The following CFAP299 variants were observed in gnomAD, a reference collection of about 807,000 sequenced individuals.
CFAP299 encodes the protein cilia and flagella associated protein 299.
Under a neutral mutation model 27.0 loss-of-function variants are expected in CFAP299, and 21 were observed. The observed-to-expected ratio is 0.78, with a 90% CI of 0.55 to 1.12. The LOEUF is 1.12. Among genes scored for constraint, CFAP299 ranks in the 50% most tolerant of loss-of-function variants. The pLI is 0.00. For missense variants in CFAP299, 310 were observed against 276.6 expected (o/e 1.12, Z -0.86); for synonymous variants, 104 against 98.1 (o/e 1.06, Z -0.36).
chr4:80,906,438 G>A (rs1397072835), intron 4 of CFAP299, among the ~76,000 whole-genome samples: 1 of 152,212 alleles, frequency 6.6e-6, no homozygotes, highest in African/African-American at 2.4e-5. Context: ...GAGGATGGTG[G>A]CCCTCTTCTC....
intron 3 of CFAP299, among the ~76,000 whole-genome samples, chr4:80,844,906 T>C (rs1322395052): frequency 1.3e-5 from 2 of 152,232 alleles, no homozygotes; most frequent in Admixed American, 6.5e-5. Context: ...TGTAAGCCTT[T>C]AATCCATCTT....
Position 80,799,870 on chromosome 4 carries a change from ATAT to A in CFAP299, c.334-70119_334-70117del, listed in dbSNP as rs1258041595. On this transcript the variant is annotated intron_variant, in intron 3 of 5. Coordinates refer to ENST00000358105, the MANE Select transcript of CFAP299 (RefSeq NM_152770.3). ...TATAATATATAAATATATATTATATATATTATATTATATAATATATAAATTATA... is the reference window on the plus strand; with the variant it reads ...TATAATATATAAATATATATTATATATATATTATATAATATATAAATTATA... Among the ~76,000 whole-genome samples, 182 of 32,684 alleles carry A rather than the reference ATAT, an allele frequency of 5.6e-3. 7 individuals carry two copies. The highest frequency in any genetic ancestry group is 0.024 in the South Asian group (22 of 900). The allele number at this position is 32,684 out of a possible 152,430, so 21.4% of individuals were successfully genotyped here. A position where few individuals can be genotyped will look rare whatever the true frequency, so the allele number is the denominator to read the frequency against.
intron 3 of CFAP299, among the ~76,000 whole-genome samples, chr4:80,807,541 T>C (rs548168604): frequency 5.3e-5 from 8 of 152,248 alleles, no homozygotes; most frequent in Non-Finnish European, 1.0e-4. Context: ...GTAAAATGTA[T>C]CAACTCTTAA....
At chr4:80,830,038 C>A (rs891498918) in intron 3 of CFAP299, among the ~76,000 whole-genome samples, 116 of 152,014 alleles carry the variant, frequency 7.6e-4, no homozygotes, top group African/African-American at 2.7e-3. Context: ...GTGTCCAATA[C>A]CCATGCACTT....
At chr4:80,655,484 G>T (rs984886275) in intron 3 of CFAP299, among the ~76,000 whole-genome samples, 1 of 152,122 alleles carries the variant, frequency 6.6e-6, no homozygotes, top group African/African-American at 2.4e-5. Context: ...GGTATGGTAA[G>T]TGGGTCCTGC....
chr4:80,833,059 ATAG>A (rs1360107910), intron 3 of CFAP299, among the ~76,000 whole-genome samples: 1 of 152,092 alleles, frequency 6.6e-6, no homozygotes, highest in Non-Finnish European at 1.5e-5. Flanking sequence ...TTGTGATTTT[ATAG>A]TAATTACATT....
At chr4:80,623,710 T>C (rs1364197504) in intron 3 of CFAP299, among the ~76,000 whole-genome samples, 2 of 152,126 alleles carry the variant, frequency 1.3e-5, no homozygotes, top group Non-Finnish European at 2.9e-5. Flanking sequence ...AAAGTGAGCA[T>C]ATAATTTGCC....
chr4:80,595,019 C>A (rs1289715277), intron 3 of CFAP299, among the ~76,000 whole-genome samples: 2 of 152,088 alleles, frequency 1.3e-5, no homozygotes, highest in Non-Finnish European at 2.9e-5. Flanking sequence ...CTCTAATTCT[C>A]CCCAGGGACT....
At chr4:80,529,233 G>T (rs547212590) in intron 2 of CFAP299, among the ~76,000 whole-genome samples, 8 of 151,006 alleles carry the variant, frequency 5.3e-5, no homozygotes, top group African/African-American at 1.7e-4. Flanking sequence ...CCTTTCCATG[G>T]TTTTTTTTTC....
intron 4 of CFAP299, among the ~76,000 whole-genome samples, chr4:80,913,730 A>G (rs1233536016): frequency 3.9e-5 from 6 of 152,206 alleles, no homozygotes; most frequent in Admixed American, 3.3e-4. Context: ...TGAAATTTCT[A>G]TATTTTAAAG....
In CFAP299 at chr4:80,362,614, T is replaced by C. The variant is rs1395003384; in HGVS notation, c.112-140T>C. 4.6e-6 allele frequency: 4 copies of C among 877,706 alleles called. No homozygotes were observed. The African/African-American group carries it at 5.1e-5, about 11-fold the overall frequency. 54.4% of individuals were successfully genotyped at this position (877,706 alleles called of 1,614,324 possible). A position where few individuals can be genotyped will look rare whatever the true frequency, so the allele number is the denominator to read the frequency against. ...TTCTAGTTTTTTTATATCTAATAGA[T>C]CATGTCTAGTTTTTAAATACATTTA... is the stretch of plus-strand genomic sequence containing the variant. On this transcript the variant is annotated intron_variant, in intron 1 of 5. Transcript: ENST00000358105.
intron 3 of CFAP299, among the ~76,000 whole-genome samples, chr4:80,691,516 A>G (rs895926236): frequency 6.6e-6 from 1 of 152,222 alleles, no homozygotes; most frequent in Non-Finnish European, 1.5e-5. Flanking sequence ...AAAACTCTCA[A>G]TAAATTAGGT....
intron 2 of CFAP299, among the ~76,000 whole-genome samples, chr4:80,492,514 T>G (rs937565624): frequency 1.3e-5 from 2 of 152,118 alleles, no homozygotes; most frequent in African/African-American, 2.4e-5. Context: ...AAAGCAGAGT[T>G]TTTATGTAAG....
chr4:80,461,818 A>C (rs998978336), intron 2 of CFAP299, among the ~76,000 whole-genome samples: 1 of 152,116 alleles, frequency 6.6e-6, no homozygotes, highest in Non-Finnish European at 1.5e-5. Flanking sequence ...TTCACTATGA[A>C]CTTCCTCACT....
chr4:80,466,090 AT>A (rs566703004), intron 2 of CFAP299, among the ~76,000 whole-genome samples: 5 of 152,354 alleles, frequency 3.3e-5, no homozygotes, highest in Admixed American at 3.3e-4. Context: ...ACATTTTTAA[AT>A]TTAAATCTGA....
At chr4:80,513,619 A>G (rs912424382) in intron 2 of CFAP299, among the ~76,000 whole-genome samples, 14 of 152,152 alleles carry the variant, frequency 9.2e-5, no homozygotes, top group African/African-American at 3.4e-4. Context: ...TGGGCTTCCA[A>G]AAGGGTCCCC....
chr4:80,791,837 C>CATAT (rs1317648458), intron 3 of CFAP299, among the ~76,000 whole-genome samples: 4 of 151,076 alleles, frequency 2.6e-5, no homozygotes, highest in African/African-American at 9.8e-5. Context: ...GACATATTGA[C>CATAT]AGATATATAT....
chr4:80,523,721 C>G (rs1189394400), intron 2 of CFAP299, among the ~76,000 whole-genome samples: 1 of 152,156 alleles, frequency 6.6e-6, no homozygotes, highest in East Asian at 1.9e-4. Context: ...AGCATTTAGA[C>G]TATGACTACG....
intron 2 of CFAP299, among the ~76,000 whole-genome samples, chr4:80,366,631 G>C (rs1351426359): frequency 6.6e-6 from 1 of 152,146 alleles, no homozygotes; most frequent in Non-Finnish European, 1.5e-5. Context: ...TGGTGGGAAT[G>C]GAAAATGGAA....
Sources: gnomAD v4.1 joint callset for allele counts (sites outside exome capture counted in the v4.1 genomes callset) on GRCh38, gnomAD v4.1.1 for gene constraint, MANE v1.5 for transcripts, NCBI Gene and HGNC (gene_info 2026-07-23, HGNC 2026-07-21) for gene names.